Variants in COX7B2 observed in about 807,000 individuals in gnomAD.
COX7B2 encodes cytochrome c oxidase subunit 7B2.
For synonymous variants in COX7B2, 37 were observed against 32.1 expected, an observed-to-expected ratio of 1.15 and a Z score of -0.51; for missense variants, 109 against 95.9, an observed-to-expected ratio of 1.14 and a Z score of -0.57.
intron 1 of COX7B2, among the ~76,000 whole-genome samples, chr4:46,882,883 A>T (rs963808957): frequency 6.6e-6 from 1 of 152,210 alleles, no homozygotes; most frequent in African/African-American, 2.4e-5. Flanking sequence ...TTAAGCCACA[A>T]ATCATTATCA....
chr4:46,855,141 A>C (rs934518834), intron 1 of COX7B2, among the ~76,000 whole-genome samples: 1 of 152,098 alleles, frequency 6.6e-6, no homozygotes, highest in Non-Finnish European at 1.5e-5. Flanking sequence ...CAGCCTGGCC[A>C]ACATGGTGAA....
intron 2 of COX7B2, among the ~76,000 whole-genome samples, chr4:46,781,502 A>G (rs779640786): frequency 6.6e-6 from 1 of 152,134 alleles, no homozygotes; most frequent in African/African-American, 2.4e-5. Flanking sequence ...TCCTACACAT[A>G]CTGAGAGGTG....
At chr4:46,825,405 A>T (rs1022067620) in intron 2 of COX7B2, among the ~76,000 whole-genome samples, 2 of 152,142 alleles carry the variant, frequency 1.3e-5, no homozygotes, top group Admixed American at 6.5e-5. Flanking sequence ...ATAGAAAAAC[A>T]TCCCATGCTC....
At chr4:46,838,697 A>G (rs1327155610) in intron 2 of COX7B2, among the ~76,000 whole-genome samples, 1 of 152,070 alleles carries the variant, frequency 6.6e-6, no homozygotes, top group Non-Finnish European at 1.5e-5. Flanking sequence ...CTTACTATTC[A>G]AAACCTAGAT....
At chr4:46,770,055 A>T (rs966571112) in intron 2 of COX7B2, among the ~76,000 whole-genome samples, 1 of 152,194 alleles carries the variant, frequency 6.6e-6, no homozygotes, top group African/African-American at 2.4e-5. Flanking sequence ...GGAAAAAATT[A>T]AAATTTTCTG....
At chr4:46,751,417 C>T (rs1715368888) in intron 2 of COX7B2, among the ~76,000 whole-genome samples, 1 of 151,958 alleles carries the variant, frequency 6.6e-6, no homozygotes, top group Non-Finnish European at 1.5e-5. Context: ...TTTAATTCTC[C>T]TTTCACTTCT....
intron 1 of COX7B2, among the ~76,000 whole-genome samples, chr4:46,864,919 CAGGCGTA>C (rs1346566883): frequency 6.6e-6 from 1 of 152,158 alleles, no homozygotes; most frequent in African/African-American, 2.4e-5. Context: ...GCTGGGGTTA[CAGGCGTA>C]AGGCACCGCA....
intron 1 of COX7B2, among the ~76,000 whole-genome samples, chr4:46,899,081 C>A (rs1198208173): frequency 6.6e-6 from 1 of 152,118 alleles, no homozygotes; most frequent in African/African-American, 2.4e-5. Context: ...GATATGCTAT[C>A]TTCTTTATTT....
At position 46,751,395 on chromosome 4, in the gene COX7B2, C is replaced by T. The variant is rs78616223; in HGVS notation, c.-49-16154G>A. On this transcript the variant is annotated intron_variant, in intron 2 of 2. Coordinates refer to ENST00000355591, the MANE Select transcript of COX7B2 (RefSeq NM_130902.3). The stretch of plus-strand genomic sequence containing the variant: ...TATATGTCTACTTTTATATCCACTT[C>T]TCACATTAACATTTAATTCTCCTTT... Among the ~76,000 whole-genome samples the T allele has an allele frequency of 2.0e-4, 30 of 152,202 alleles. No individual in the cohort carries two copies. The East Asian group carries it at 5.6e-3, about 28-fold the overall frequency.
rs866119973 is a variant in COX7B2, at chr4:46,735,151, C to A, written c.42G>T (p.Lys14Asn). The change falls in exon 3 of 3, where the codon AAG becomes AAT. Residue 14 changes from lysine (K) to asparagine (N), a missense_variant. Transcript: ENST00000355591. Reference sequence around the variant, plus strand: ...CCATGCTTTGCAGAATGCTTTGAATCTTGAGACTGCTTAGTGCATTTCTGG... The same window carrying A: ...CCATGCTTTGCAGAATGCTTTGAATATTGAGACTGCTTAGTGCATTTCTGG... ...PLARNALSSL[K>N]IQSILQSMAR... 1.2e-6 allele frequency: 2 copies of A among 1,613,298 alleles called. No individual in the cohort carries two copies. The highest frequency in any genetic ancestry group is 3.4e-5 in the Admixed American group (2 of 59,674).
chr4:46,900,049 A>C (rs1156738577), intron 1 of COX7B2, among the ~76,000 whole-genome samples: 4 of 152,292 alleles, frequency 2.6e-5, no homozygotes. Context: ...CACAAGGATT[A>C]AATCTGTAGC....
intron 1 of COX7B2, among the ~76,000 whole-genome samples, chr4:46,901,077 T>C (rs1382499319): frequency 2.0e-5 from 3 of 152,240 alleles, no homozygotes; most frequent in Non-Finnish European, 4.4e-5. Context: ...AATCTGCTTA[T>C]AAATTCAGAT....
chr4:46,748,297 T>G (rs976380810), intron 2 of COX7B2, among the ~76,000 whole-genome samples: 5 of 152,310 alleles, frequency 3.3e-5, no homozygotes, highest in East Asian at 1.9e-4. Context: ...CCAAAAATAT[T>G]GATAAAGCAT....
At chr4:46,790,197 G>GGT (rs1235179189) in intron 2 of COX7B2, among the ~76,000 whole-genome samples, 5 of 152,112 alleles carry the variant, frequency 3.3e-5, no homozygotes, top group Admixed American at 1.3e-4. Context: ...ATCTGTCTTA[G>GGT]GTGTATTCCT....
intron 1 of COX7B2, among the ~76,000 whole-genome samples, chr4:46,852,725 C>T (rs1005991612): frequency 1.3e-5 from 2 of 152,114 alleles, no homozygotes; most frequent in African/African-American, 4.8e-5. Flanking sequence ...TATGAAAAAT[C>T]TGAGTCACCC....
chr4:46,777,808 T>C (rs1160824720), intron 2 of COX7B2, among the ~76,000 whole-genome samples: 1 of 152,140 alleles, frequency 6.6e-6, no homozygotes, highest in Admixed American at 6.5e-5. Flanking sequence ...AGGCAAATAC[T>C]AAACTTCTTC....
chr4:46,878,122 C>T (rs569888192), intron 1 of COX7B2, among the ~76,000 whole-genome samples: 1 of 151,760 alleles, frequency 6.6e-6, no homozygotes, highest in African/African-American at 2.4e-5. Context: ...GGACGTTATG[C>T]TAAGTAAAAT....
intron 2 of COX7B2, among the ~76,000 whole-genome samples, chr4:46,783,592 T>C (rs1043083420): frequency 5.3e-5 from 8 of 152,178 alleles, no homozygotes; most frequent in African/African-American, 1.9e-4. Context: ...ACAGAGGGGA[T>C]CATCCTATTT....
At chr4:46,835,301 A>G (rs1715434293) in intron 2 of COX7B2, among the ~76,000 whole-genome samples, 2 of 152,298 alleles carry the variant, frequency 1.3e-5, no homozygotes, top group South Asian at 2.1e-4. Context: ...ATATGTTGCA[A>G]CATTGTTTAT....
Sources: allele counts gnomAD v4.1 joint callset (sites outside exome capture counted in the v4.1 genomes callset), GRCh38; gene constraint gnomAD v4.1.1; transcripts MANE v1.5; gene names NCBI Gene and HGNC (gene_info 2026-07-23, HGNC 2026-07-21).